The following STARD13 variants were observed in gnomAD, a reference collection of about 807,000 sequenced individuals.
The protein encoded by STARD13 is StAR related lipid transfer domain containing 13, also known as stAR-related lipid transfer protein 13.
In STARD13, 62 loss-of-function variants were observed where a neutral mutation model predicts 106.4. The observed-to-expected ratio is 0.58, with a 90% confidence interval of 0.48 to 0.72. The LOEUF (loss-of-function observed/expected upper bound fraction) is 0.72, where lower values mean the gene tolerates loss of function less well. Ranked by LOEUF, STARD13 falls within the 30% of genes least tolerant of loss-of-function variation. The pLI is 0.00. For missense variants in STARD13, 1,387 were observed against 1,424.0 expected (o/e 0.97, Z 0.42); for synonymous variants, 565 against 553.0 (o/e 1.02, Z -0.31).
the STARD13 span, among the ~76,000 whole-genome samples, chr13:33,575,798 G>C: frequency 1.3e-5 from 2 of 152,106 alleles, no homozygotes; most frequent in African/African-American, 4.8e-5. Context: ...GCAGAACTGT[G>C]AGCTAAATAA....
At chr13:33,493,946 C>T in the STARD13 span, among the ~76,000 whole-genome samples, 1 of 152,082 alleles carries the variant, frequency 6.6e-6, no homozygotes, top group Admixed American at 6.6e-5. Context: ...CTGATGAGAC[C>T]GTAAACGACT....
At chr13:33,159,788 T>G (rs1033702795) in intron 3 of STARD13, among the ~76,000 whole-genome samples, 4 of 152,166 alleles carry the variant, frequency 2.6e-5, no homozygotes, top group African/African-American at 9.7e-5. Context: ...ACTATCAATG[T>G]GAACCACTCA....
the STARD13 span, among the ~76,000 whole-genome samples, chr13:33,623,278 ATTTT>A: frequency 6.6e-6 from 1 of 152,088 alleles, no homozygotes; most frequent in Non-Finnish European, 1.5e-5. Context: ...CACAAACATT[ATTTT>A]GAGACCCCAA....
At chr13:33,536,546 A>C in the STARD13 span, among the ~76,000 whole-genome samples, 5 of 152,204 alleles carry the variant, frequency 3.3e-5, no homozygotes, top group African/African-American at 1.2e-4. Context: ...TGGTAAGATA[A>C]AAATTAGATA....
chr13:33,509,837 C>A, the STARD13 span, among the ~76,000 whole-genome samples: 1 of 152,192 alleles, frequency 6.6e-6, no homozygotes. Context: ...CCCACACCCA[C>A]AGGAAGGAGG....
chr13:33,118,768 C>CAAA (rs1320184119), intron 7 of STARD13, among the ~76,000 whole-genome samples: 5 of 152,136 alleles, frequency 3.3e-5, no homozygotes, highest in Non-Finnish European at 5.9e-5. Flanking sequence ...CAGCCATATC[C>CAAA]AGTGCCCCTG....
the STARD13 span, among the ~76,000 whole-genome samples, chr13:33,456,431 C>G: frequency 6.6e-6 from 1 of 152,156 alleles, no homozygotes; most frequent in East Asian, 1.9e-4. Context: ...CTCAAGAGAT[C>G]TGCCCCCCTC....
the STARD13 span, among the ~76,000 whole-genome samples, chr13:33,588,902 C>T: frequency 2.6e-5 from 4 of 152,176 alleles, no homozygotes; most frequent in Middle Eastern, 3.2e-3. Flanking sequence ...TGGGCACCTA[C>T]AATAAACCAA....
rs1007564880 is a variant in STARD13 at position 33,111,685 on chromosome 13, A to G, written c.2607+93T>C. 5 of 784,118 alleles carry G rather than the reference A, an allele frequency of 6.4e-6. 1 individual carries two copies. The highest frequency in any genetic ancestry group is 1.1e-5 in the Non-Finnish European group (5 of 457,956). The allele number at this position is 784,118 out of a possible 1,614,324, so 48.6% of individuals were successfully genotyped here. A position where few individuals can be genotyped will look rare whatever the true frequency, so the allele number is the denominator to read the frequency against. On this transcript the variant is annotated intron_variant, in intron 10 of 13. Coordinates refer to ENST00000336934, the MANE Select transcript of STARD13 (RefSeq NM_178006.4). The stretch of plus-strand genomic sequence containing the variant: ...ACTATTGTCATAAAATCAGGAACAA[A>G]CAGATAGAAACCATAAATGTAGCAA...
At chr13:33,400,133 T>A in the STARD13 span, among the ~76,000 whole-genome samples, 1 of 152,102 alleles carries the variant, frequency 6.6e-6, no homozygotes, top group Admixed American at 6.5e-5. Flanking sequence ...CTCCCTGATT[T>A]CCCCCACTCC....
chr13:33,652,919 A>G, the STARD13 span, among the ~76,000 whole-genome samples: 1 of 152,176 alleles, frequency 6.6e-6, no homozygotes. Context: ...ATCATATACA[A>G]TAAGGTATGA....
intron 4 of STARD13, among the ~76,000 whole-genome samples, chr13:33,141,942 ATAGACT>A (rs1284518985): frequency 6.6e-6 from 1 of 152,344 alleles, no homozygotes; most frequent in African/African-American, 2.4e-5. Flanking sequence ...TTAGTTTATA[ATAGACT>A]TATTTAGGTG....
At chr13:33,298,601 T>A (rs1310029566) in intron 1 of STARD13, among the ~76,000 whole-genome samples, 1 of 152,106 alleles carries the variant, frequency 6.6e-6, no homozygotes, top group African/African-American at 2.4e-5. Context: ...AAAAAAAGGT[T>A]TATAAGTATA....
the STARD13 span, among the ~76,000 whole-genome samples, chr13:33,433,695 G>A: frequency 6.6e-6 from 1 of 152,132 alleles, no homozygotes; most frequent in Non-Finnish European, 1.5e-5. Context: ...ACATTCAAAG[G>A]AGGGTTCATT....
At chr13:33,324,102 T>A (rs1893655844) in intron 1 of STARD13, among the ~76,000 whole-genome samples, 1 of 152,210 alleles carries the variant, frequency 6.6e-6, no homozygotes, top group Admixed American at 6.5e-5. Context: ...AGGTCTAAAG[T>A]TATAATGTGA....
intron 1 of STARD13, among the ~76,000 whole-genome samples, chr13:33,290,972 G>A (rs1383764225): frequency 3.3e-5 from 5 of 151,590 alleles, no homozygotes; most frequent in Non-Finnish European, 7.4e-5. Context: ...GTAAACCACT[G>A]TTATGTGGCA....
the STARD13 span, among the ~76,000 whole-genome samples, chr13:33,398,978 C>T: frequency 1.3e-5 from 2 of 152,074 alleles, no homozygotes; most frequent in Admixed American, 6.5e-5. Context: ...TAGCATTAAG[C>T]TACAAACAAC....
chr13:33,642,858 A>T, the STARD13 span, among the ~76,000 whole-genome samples: 1 of 146,128 alleles, frequency 6.8e-6, no homozygotes, highest in South Asian at 2.1e-4. Flanking sequence ...AAAAAAAAAA[A>T]CCTCCCTACT....
intron 1 of STARD13, among the ~76,000 whole-genome samples, chr13:33,243,104 C>T (rs183070912): frequency 6.6e-6 from 1 of 152,304 alleles, no homozygotes; most frequent in Admixed American, 6.5e-5. Context: ...CCAAGGAAGG[C>T]CCCCTCATTC....
Sources: allele counts gnomAD v4.1 joint callset (sites outside exome capture counted in the v4.1 genomes callset), GRCh38; gene constraint gnomAD v4.1.1; transcripts MANE v1.5; gene names NCBI Gene and HGNC (gene_info 2026-07-23, HGNC 2026-07-21).